Variants in MCUB observed in about 807,000 individuals in gnomAD.
MCUB encodes the protein calcium uniporter regulatory subunit MCUb, mitochondrial.
A neutral mutation model predicts 41.4 loss-of-function variants in MCUB; 46 were observed. That is an observed-to-expected ratio of 1.11 (90% CI 0.88 to 1.42). The LOEUF (loss-of-function observed/expected upper bound fraction) is 1.42, where lower values mean the gene tolerates loss of function less well. Ranked by LOEUF, MCUB falls within the 40% of genes most tolerant of loss-of-function variation. The pLI, the probability that MCUB is intolerant of heterozygous loss-of-function variation, is 0.00. For missense variants in MCUB, 403 were observed against 404.9 expected (o/e 1.00, Z 0.04); for synonymous variants, 148 against 148.2 (o/e 1.00, Z 0.01).
intron 1 of MCUB, among the ~76,000 whole-genome samples, chr4:109,580,935 G>A (rs978382377): frequency 8.5e-5 from 13 of 152,126 alleles, no homozygotes; most frequent in East Asian, 3.9e-4. Flanking sequence ...AATCAATATC[G>A]TGAAAATGGC....
chr4:109,588,337 T>C (rs2126128076), intron 1 of MCUB, among the ~76,000 whole-genome samples: 1 of 152,336 alleles, frequency 6.6e-6, no homozygotes, highest in East Asian at 1.9e-4. Flanking sequence ...TGATGCAAAT[T>C]GTCAGGTAAC....
intron 4 of MCUB, among the ~76,000 whole-genome samples, chr4:109,664,906 A>G (rs2126145857): frequency 6.6e-6 from 1 of 151,942 alleles, no homozygotes; most frequent in African/African-American, 2.4e-5. Flanking sequence ...AAAATCAAGA[A>G]TTCAAGTATA....
At chr4:109,583,768 A>G (rs898582541) in intron 1 of MCUB, among the ~76,000 whole-genome samples, 3 of 152,210 alleles carry the variant, frequency 2.0e-5, no homozygotes, top group African/African-American at 7.2e-5. Flanking sequence ...AGTTTTTAGC[A>G]TGAAAGGGTG....
chr4:109,561,109 T>C (rs1726618152), intron 1 of MCUB: 1 of 152,310 alleles, frequency 6.6e-6, no homozygotes, highest in African/African-American at 2.4e-5. Flanking sequence ...CAAAAAAGAC[T>C]AGAAGAAGGG....
intron 1 of MCUB, among the ~76,000 whole-genome samples, chr4:109,575,237 C>A (rs189813720): frequency 6.6e-6 from 1 of 152,158 alleles, no homozygotes; most frequent in Non-Finnish European, 1.5e-5. Flanking sequence ...TTGTTCTGCC[C>A]GCTCCTTACC....
At chr4:109,572,235 A>C (rs1166592772) in intron 1 of MCUB, among the ~76,000 whole-genome samples, 1 of 152,392 alleles carries the variant, frequency 6.6e-6, no homozygotes, top group South Asian at 2.1e-4. Context: ...ACACTTACAC[A>C]CTAAGGAAGA....
At chr4:109,599,405 C>CT (rs968146838) in intron 1 of MCUB, among the ~76,000 whole-genome samples, 2 of 151,792 alleles carry the variant, frequency 1.3e-5, no homozygotes, top group Non-Finnish European at 2.9e-5. Context: ...AACCTTTACT[C>CT]TTTTTTCTGA....
At chr4:109,608,653 C>T (rs986041935) in intron 1 of MCUB, among the ~76,000 whole-genome samples, 3 of 151,602 alleles carry the variant, frequency 2.0e-5, no homozygotes, top group Admixed American at 1.3e-4. Context: ...CATCCAGCTA[C>T]TTTTTGTATT....
At chr4:109,628,138 G>A (rs1253493931) in intron 1 of MCUB, among the ~76,000 whole-genome samples, 2 of 152,110 alleles carry the variant, frequency 1.3e-5, no homozygotes, top group Non-Finnish European at 2.9e-5. Flanking sequence ...ATTTGAGCGA[G>A]TTCTGAATGA....
chr4:109,656,465 C>G (rs1729106422), intron 1 of MCUB, among the ~76,000 whole-genome samples: 2 of 147,176 alleles, frequency 1.4e-5, no homozygotes, highest in Admixed American at 1.4e-4. Context: ...CAGCCGCCTC[C>G]TCCTGGGCTC....
Position 109,566,469 on chromosome 4 carries a change from C to CA in MCUB, c.99+6046dup, listed in dbSNP as rs60385848. ...TAGGCAACAGAGTGAGACTCTGTCTCAAAAAAAAAAAAATAAATAAATAAA... is the reference window on the plus strand; with the variant it reads ...TAGGCAACAGAGTGAGACTCTGTCTCAAAAAAAAAAAAAATAAATAAATAAA... On this transcript the variant is annotated intron_variant, in intron 1 of 7. Coordinates refer to ENST00000394650, the MANE Select transcript of MCUB (RefSeq NM_017918.5). 2.8e-3 allele frequency among the ~76,000 whole-genome samples: 372 copies of CA among 132,390 alleles called. 2 individuals are homozygous for CA. Among genetic ancestry groups the CA allele is most frequent in the East Asian group, 7.0e-3 (31 of 4,458 alleles). The allele number at this position is 132,390 out of a possible 152,430, so 86.9% of individuals were successfully genotyped here.
intron 1 of MCUB, among the ~76,000 whole-genome samples, chr4:109,631,676 A>G (rs1279187686): frequency 1.3e-5 from 2 of 152,150 alleles, no homozygotes; most frequent in African/African-American, 4.8e-5. Context: ...CTCTGTCAAC[A>G]TTTCTCCTTT....
intron 4 of MCUB, among the ~76,000 whole-genome samples, chr4:109,674,656 C>A (rs1024484399): frequency 1.3e-5 from 2 of 152,152 alleles, no homozygotes; most frequent in Non-Finnish European, 2.9e-5. Context: ...AAAGCTTAAA[C>A]AATAGAGCTG....
chr4:109,618,745 A>C (rs1728181764), intron 1 of MCUB, among the ~76,000 whole-genome samples: 1 of 148,196 alleles, frequency 6.7e-6, no homozygotes, highest in African/African-American at 2.4e-5. Flanking sequence ...TTTTCTAGTA[A>C]ATACCATTAG....
chr4:109,587,116 G>A (rs950257374), intron 1 of MCUB, among the ~76,000 whole-genome samples: 2 of 152,374 alleles, frequency 1.3e-5, no homozygotes, highest in East Asian at 3.9e-4. Flanking sequence ...GCTCTGCCCA[G>A]TTTGAGATTC....
intron 4 of MCUB, among the ~76,000 whole-genome samples, chr4:109,681,023 G>GT (rs1347586808): frequency 2.6e-5 from 4 of 152,168 alleles, no homozygotes; most frequent in African/African-American, 9.7e-5. Context: ...CTCTGAAACC[G>GT]TAACTCCTGT....
chr4:109,672,921 C>G (rs1729491680), intron 4 of MCUB, among the ~76,000 whole-genome samples: 1 of 152,174 alleles, frequency 6.6e-6, no homozygotes. Flanking sequence ...TCACTTTTAT[C>G]AGCCATTTCT....
intron 1 of MCUB, among the ~76,000 whole-genome samples, chr4:109,622,359 G>A (rs1254178304): frequency 2.0e-5 from 3 of 152,154 alleles, no homozygotes; most frequent in South Asian, 2.1e-4. Context: ...TTATTTTAAA[G>A]AAAAAATTTT....
intron 1 of MCUB, among the ~76,000 whole-genome samples, chr4:109,639,757 C>T (rs984372059): frequency 7.2e-5 from 11 of 152,106 alleles, no homozygotes; most frequent in Admixed American, 2.0e-4. Context: ...TTTGTGGTTG[C>T]GTGTATAGAA....
Sources: gnomAD v4.1 joint callset for allele counts (sites outside exome capture counted in the v4.1 genomes callset) on GRCh38, gnomAD v4.1.1 for gene constraint, MANE v1.5 for transcripts, NCBI Gene and HGNC (gene_info 2026-07-23, HGNC 2026-07-21) for gene names.